THNSL1: variants seen among roughly 807,000 people sequenced by gnomAD.
The protein encoded by THNSL1 is threonine synthase-like 1.
A neutral mutation model predicts 50.4 loss-of-function variants in THNSL1; 48 were observed. That is an observed-to-expected ratio of 0.95 (90% CI 0.76 to 1.21). The LOEUF is 1.21. THNSL1 is among the 50% of genes most tolerant of loss of function. The pLI is 0.00. For synonymous variants in THNSL1, 309 were observed against 306.1 expected (o/e 1.01, Z -0.10); for missense variants, 896 against 871.7 (o/e 1.03, Z -0.35).
the THNSL1 span, among the ~76,000 whole-genome samples, chr10:24,979,076 G>A: frequency 6.6e-5 from 10 of 152,110 alleles, no homozygotes; most frequent in African/African-American, 1.9e-4. Context: ...CAGTGTTTAC[G>A]AATAAATCAC....
chr10:25,019,250 G>A (rs1049355389), intron 1 of THNSL1, among the ~76,000 whole-genome samples: 2 of 152,206 alleles, frequency 1.3e-5, no homozygotes, highest in African/African-American at 2.4e-5. Flanking sequence ...AAGGCAGGAA[G>A]ACTGCTTGAG....
the THNSL1 span, among the ~76,000 whole-genome samples, chr10:24,996,436 ATGTGTG>A: frequency 1.3e-5 from 2 of 148,516 alleles, no homozygotes; most frequent in South Asian, 4.3e-4. Flanking sequence ...AAGATCATAT[ATGTGTG>A]TGTGTGTGTG....
chr10:24,967,816 T>C, the THNSL1 span, among the ~76,000 whole-genome samples: 36 of 152,004 alleles, frequency 2.4e-4, no homozygotes, highest in Non-Finnish European at 5.9e-5. Context: ...TGTGTATATG[T>C]GCATGTATAT....
chr10:24,959,389 G>A, the THNSL1 span, among the ~76,000 whole-genome samples: 1 of 152,222 alleles, frequency 6.6e-6, no homozygotes, highest in Non-Finnish European at 1.5e-5. Flanking sequence ...GGTGAGAGGA[G>A]CTTGGGAAAG....
the THNSL1 span, chr10:24,995,813 G>C: frequency 6.2e-7 from 1 of 1,613,960 alleles, no homozygotes; most frequent in Non-Finnish European, 8.5e-7. Context: ...ATGACAGGAT[G>C]ATCAGTCTTC....
At chr10:24,983,763 T>C in the THNSL1 span, 2 of 152,226 alleles carry the variant, frequency 1.3e-5, no homozygotes, top group African/African-American at 4.8e-5. Context: ...GTGTAAGCAG[T>C]AGAAATTGTT....
At chr10:25,020,585 G>A (rs1850700301) in intron 1 of THNSL1, among the ~76,000 whole-genome samples, 1 of 151,952 alleles carries the variant, frequency 6.6e-6, no homozygotes, top group Admixed American at 6.6e-5. Flanking sequence ...TGGGCAACAT[G>A]GTGAAACCCT....
the THNSL1 span, among the ~76,000 whole-genome samples, chr10:25,003,177 A>ATTTATTTATTT: frequency 6.9e-6 from 1 of 145,064 alleles, no homozygotes; most frequent in African/African-American, 2.5e-5. Context: ...TTAATTAATT[A>ATTTATTTATTT]ATTAATTTAT....
chr10:25,013,457 T>C (rs139730283), upstream of THNSL1, among the ~76,000 whole-genome samples: 2,406 of 152,316 alleles, frequency 0.016, 33 homozygotes, highest in South Asian at 0.039. Flanking sequence ...GGTATTTTAG[T>C]GTGAGCCAAT....
the THNSL1 span, among the ~76,000 whole-genome samples, chr10:24,970,766 G>A: frequency 1.2e-4 from 18 of 151,174 alleles, no homozygotes; most frequent in Admixed American, 4.6e-4. Flanking sequence ...GCTCACGCCC[G>A]TAATCCCAGC....
the THNSL1 span, among the ~76,000 whole-genome samples, chr10:25,007,195 A>T: frequency 6.6e-6 from 1 of 152,146 alleles, no homozygotes; most frequent in African/African-American, 2.4e-5. Context: ...CTCATATACA[A>T]TATATTGTTA....
the THNSL1 span, among the ~76,000 whole-genome samples, chr10:24,968,801 A>C: frequency 6.6e-6 from 1 of 152,238 alleles, no homozygotes; most frequent in Non-Finnish European, 1.5e-5. Context: ...TGTTGTACAC[A>C]GAGCTTGCTA....
At chr10:24,986,172 G>A in the THNSL1 span, among the ~76,000 whole-genome samples, 1 of 152,212 alleles carries the variant, frequency 6.6e-6, no homozygotes, top group Non-Finnish European at 1.5e-5. Context: ...AGGATTACAA[G>A]TGTCTTATAT....
chr10:24,956,464 TA>T, the THNSL1 span, among the ~76,000 whole-genome samples: 7,930 of 147,824 alleles, frequency 0.054, 617 homozygotes, highest in African/African-American at 0.17. Context: ...GCATTTTATT[TA>T]TTTTTTTTTT....
intron 1 of THNSL1, among the ~76,000 whole-genome samples, chr10:25,020,909 A>G (rs1325819565): frequency 2.6e-5 from 4 of 152,232 alleles, no homozygotes; most frequent in Non-Finnish European, 5.9e-5. Flanking sequence ...GTTTTATGTA[A>G]GTGCCCTAAA....
At chr10:25,022,508 A>T (rs1035994063) in intron 2 of THNSL1, among the ~76,000 whole-genome samples, 2 of 152,250 alleles carry the variant, frequency 1.3e-5, no homozygotes, top group African/African-American at 4.8e-5. Flanking sequence ...TTCAATATGA[A>T]TAATATGTAA....
At chr10:24,984,280 G>T in the THNSL1 span, 1 of 1,387,898 alleles carries the variant, frequency 7.2e-7, no homozygotes, top group Non-Finnish European at 9.9e-7. Flanking sequence ...CAGAAACAAT[G>T]TGTTGGAGAC....
chr10:24,981,454 G>T, the THNSL1 span, among the ~76,000 whole-genome samples: 2 of 152,202 alleles, frequency 1.3e-5, no homozygotes, highest in Non-Finnish European at 2.9e-5. Context: ...CCACTGAAGA[G>T]ATTAACCAGG....
intron 1 of THNSL1, among the ~76,000 whole-genome samples, chr10:25,020,151 C>T (rs1850687800): frequency 6.6e-6 from 1 of 151,934 alleles, no homozygotes; most frequent in African/African-American, 2.4e-5. Context: ...TAGCACTTAA[C>T]TGCCTTCTGC....
Sources: allele counts gnomAD v4.1 joint callset (sites outside exome capture counted in the v4.1 genomes callset), GRCh38; gene constraint gnomAD v4.1.1; transcripts MANE v1.5; gene names NCBI Gene and HGNC (gene_info 2026-07-23, HGNC 2026-07-21).